TNRC6B: variants seen among roughly 807,000 people sequenced by gnomAD.
TNRC6B encodes the protein trinucleotide repeat-containing gene 6B protein.
In TNRC6B, 52 loss-of-function variants were observed where a neutral mutation model predicts 203.6. The observed-to-expected ratio is 0.26, with a 90% CI of 0.20 to 0.32. The LOEUF (loss-of-function observed/expected upper bound fraction) is 0.32. TNRC6B is among the 10% of genes least tolerant of loss of function. The pLI, the probability that TNRC6B is intolerant of heterozygous loss-of-function variation, is 1.00. For synonymous variants in TNRC6B, 838 were observed against 845.7 expected, an observed-to-expected ratio of 0.99 and a Z score of 0.16; for missense variants, 1,923 against 2,286.2, an observed-to-expected ratio of 0.84 and a Z score of 3.24.
chr22:40,232,964 A>C (rs752743389), intron 1 of TNRC6B, among the ~76,000 whole-genome samples: 9 of 151,948 alleles, frequency 5.9e-5, no homozygotes, highest in Non-Finnish European at 1.3e-4. Context: ...ATCCTGGCCA[A>C]TGGTGAAACC....
At chr22:40,107,964 C>T (rs1193171403) in intron 1 of TNRC6B, among the ~76,000 whole-genome samples, 1 of 150,640 alleles carries the variant, frequency 6.6e-6, no homozygotes, top group Non-Finnish European at 1.5e-5. Flanking sequence ...TTTTACAGTG[C>T]GCAAGATGCA....
rs1423930297 is a variant in TNRC6B at position 40,301,207 on chromosome 22, G to A, written c.3994G>A (p.Gly1332Ser). ...QQQQQQQRQP[G>S]MKHSPSHPVG... ...GCAGCAGCAGCAGCAGAGGCAGCCA[G>A]GCATGAAGCACTCGCCCTCTCATCC... Residue 1332 changes from glycine to serine, a missense_variant, in exon 15 of 23, where the codon GGC becomes AGC. Around this residue, in one of 8 missense-constraint regions of TNRC6B, gnomAD observed 242 missense variants for 399.5 expected, o/e 0.61. Coordinates refer to ENST00000454349, the MANE Select transcript of TNRC6B (RefSeq NM_001162501.2). 1 of 1,554,772 alleles carries A rather than the reference G, an allele frequency of 6.4e-7. No individual in the cohort carries two copies. Among genetic ancestry groups the A allele is most frequent in the South Asian group, 1.2e-5 (1 of 84,350 alleles).
Position 40,324,275 on chromosome 22 carries a change from G to C in TNRC6B, c.*1034G>C, listed in dbSNP as rs527412074. On this transcript the variant is annotated 3_prime_UTR_variant, in exon 23 of 23. Transcript: ENST00000454349. ...AGCAGGAGGTACCTCTTGGAGCAACGGTGTGTTTATTTCTGTTTTTTTTTT... is the reference window on the plus strand; with the variant it reads ...AGCAGGAGGTACCTCTTGGAGCAACCGTGTGTTTATTTCTGTTTTTTTTTT... 1.3e-5 allele frequency: 2 copies of C among 152,106 alleles called. No individual in the cohort carries two copies. Among genetic ancestry groups the C allele is most frequent in the South Asian group, 4.2e-4 (2 of 4,816 alleles). 9.4% of individuals were successfully genotyped at this position (152,106 alleles called of 1,614,324 possible). A position where few individuals can be genotyped will look rare whatever the true frequency, so the allele number is the denominator to read the frequency against.
At chr22:40,288,828 A>G (rs1181226971) in intron 12 of TNRC6B, among the ~76,000 whole-genome samples, 1 of 140,388 alleles carries the variant, frequency 7.1e-6, no homozygotes, top group Non-Finnish European at 1.5e-5. Context: ...GGCGTGAGCC[A>G]CTGTGCCCAG....
chr22:40,288,404 A>G (rs181692728), intron 12 of TNRC6B, among the ~76,000 whole-genome samples: 40 of 152,274 alleles, frequency 2.6e-4, no homozygotes, highest in Non-Finnish European at 5.3e-4. Context: ...TGATGTAGGA[A>G]AATTTAAGGT....
intron 1 of TNRC6B, among the ~76,000 whole-genome samples, chr22:40,238,264 T>A (rs2069975372): frequency 2.0e-5 from 3 of 152,068 alleles, no homozygotes; most frequent in African/African-American, 7.2e-5. Flanking sequence ...TGGTGGGTGC[T>A]CTGGTGCAGC....
intron 3 of TNRC6B, among the ~76,000 whole-genome samples, chr22:40,146,398 G>A (rs374606181): frequency 7.8e-6 from 1 of 127,566 alleles, no homozygotes; most frequent in African/African-American, 4.3e-5. Context: ...TGTGAGAAAT[G>A]CTGTCTTTTT....
intron 3 of TNRC6B, among the ~76,000 whole-genome samples, chr22:40,261,445 G>T (rs1255341348): frequency 1.3e-5 from 2 of 152,020 alleles, no homozygotes; most frequent in African/African-American, 4.8e-5. Flanking sequence ...GGTTTTGGTG[G>T]TGGGCGCCTG....
intron 1 of TNRC6B, among the ~76,000 whole-genome samples, chr22:40,111,037 T>C (rs796384049): frequency 4.6e-5 from 7 of 152,264 alleles, no homozygotes; most frequent in African/African-American, 1.7e-4. Context: ...GCAAGCCTAG[T>C]GTGTGTTCTG....
rs558420211 is a variant in TNRC6B, at chr22:40,199,462, T to A, written c.5+21322T>A. Among the ~76,000 whole-genome samples the A allele has an allele frequency of 3.5e-4, 53 of 152,268 alleles. 1 individual carries two copies. Among genetic ancestry groups the A allele is most frequent in the African/African-American group, 1.2e-3 (51 of 41,562 alleles). ...TCTGCAGTGTTCCTGCCAAGGCACATGACCTCAATCTAATTATGAGGAAAT... is the reference window on the plus strand; with the variant it reads ...TCTGCAGTGTTCCTGCCAAGGCACAAGACCTCAATCTAATTATGAGGAAAT... On this transcript the variant is annotated intron_variant, in intron 1 of 22. Coordinates refer to ENST00000454349, the MANE Select transcript of TNRC6B (RefSeq NM_001162501.2).
At chr22:40,285,256 T>C (rs2070765763) in intron 11 of TNRC6B, among the ~76,000 whole-genome samples, 1 of 152,204 alleles carries the variant, frequency 6.6e-6, no homozygotes, top group Non-Finnish European at 1.5e-5. Context: ...TAAGGCTGCA[T>C]TTTTACTCAG....
intron 3 of TNRC6B, among the ~76,000 whole-genome samples, chr22:40,137,459 C>G (rs1269702055): frequency 6.6e-6 from 1 of 152,098 alleles, no homozygotes; most frequent in Non-Finnish European, 1.5e-5. Flanking sequence ...CTGGAAAAGT[C>G]AGTTTATAGA....
At chr22:40,194,757 C>G (rs142202860) in intron 1 of TNRC6B, among the ~76,000 whole-genome samples, 3 of 152,214 alleles carry the variant, frequency 2.0e-5, no homozygotes, top group African/African-American at 7.2e-5. Context: ...TTGTCCTCCC[C>G]CCACCAATAG....
At chr22:40,300,128 T>C (rs1461842585) in intron 12 of TNRC6B, among the ~76,000 whole-genome samples, 1 of 152,232 alleles carries the variant, frequency 6.6e-6, no homozygotes. Flanking sequence ...ATGGCACATT[T>C]CCAGTAATAA....
chr22:40,307,039 TC>T (rs1036500544), intron 15 of TNRC6B, among the ~76,000 whole-genome samples: 1 of 146,830 alleles, frequency 6.8e-6, no homozygotes, highest in Admixed American at 6.8e-5. Flanking sequence ...AGATTTCTGC[TC>T]CCCACCCCCA....
At chr22:40,087,876 T>G (rs1042600267) in intron 1 of TNRC6B, among the ~76,000 whole-genome samples, 1 of 152,152 alleles carries the variant, frequency 6.6e-6, no homozygotes, top group African/African-American at 2.4e-5. Context: ...CCGTTACAGA[T>G]GTACAGCGTT....
chr22:40,248,464 A>G (rs1240546760), intron 2 of TNRC6B, among the ~76,000 whole-genome samples: 1 of 152,250 alleles, frequency 6.6e-6, no homozygotes, highest in African/African-American at 2.4e-5. Flanking sequence ...TAGAGAGTAT[A>G]TATTCCTCTT....
intron 1 of TNRC6B, among the ~76,000 whole-genome samples, chr22:40,221,636 G>A (rs1442114218): frequency 6.6e-6 from 1 of 151,882 alleles, no homozygotes; most frequent in Non-Finnish European, 1.5e-5. Context: ...GGGGGTTCCG[G>A]TATGTTGGCC....
At chr22:40,201,594 C>A (rs577177847) in intron 1 of TNRC6B, among the ~76,000 whole-genome samples, 1 of 151,728 alleles carries the variant, frequency 6.6e-6, no homozygotes, top group Non-Finnish European at 1.5e-5. Context: ...CTCTACTACA[C>A]CTGGCTAATT....
Sources: gnomAD v4.1 joint callset for allele counts (sites outside exome capture counted in the v4.1 genomes callset) on GRCh38, gnomAD v4.1.1 for gene constraint, gnomAD v4.1.1 regional missense constraint, MANE v1.5 for transcripts, NCBI Gene and HGNC (gene_info 2026-07-23, HGNC 2026-07-21) for gene names.